GNB4: variants seen among roughly 807,000 people sequenced by gnomAD.
The protein encoded by GNB4 is guanine nucleotide-binding protein subunit beta-4.
In GNB4, 28 loss-of-function variants were observed where a neutral mutation model predicts 45.2. The ratio of observed to expected loss-of-function variants is 0.62; its 90% CI spans 0.46 to 0.85. The LOEUF is 0.85. GNB4 is among the 40% of genes least tolerant of loss of function. The pLI, the probability that GNB4 is intolerant of heterozygous loss-of-function variation, is 0.00. For synonymous variants in GNB4, 132 were observed against 143.7 expected, an observed-to-expected ratio of 0.92 and a Z score of 0.58; for missense variants, 321 against 425.4, an observed-to-expected ratio of 0.75 and a Z score of 2.16.
the GNB4 span, among the ~76,000 whole-genome samples, chr3:179,474,003 C>A: frequency 6.6e-6 from 1 of 152,016 alleles, no homozygotes; most frequent in Non-Finnish European, 1.5e-5. Flanking sequence ...TGTTTGGCTT[C>A]GTCAGTTTGC....
chr3:179,498,763 T>TG, the GNB4 span, among the ~76,000 whole-genome samples: 2 of 145,144 alleles, frequency 1.4e-5, no homozygotes, highest in African/African-American at 2.7e-5. Context: ...TTTTTTTTTT[T>TG]TTTTGCCTCT....
At chr3:179,501,071 GTA>G in the GNB4 span, among the ~76,000 whole-genome samples, 1 of 152,184 alleles carries the variant, frequency 6.6e-6, no homozygotes, top group Non-Finnish European at 1.5e-5. Flanking sequence ...AGCTCTGGAA[GTA>G]GCAGATAGCT....
At chr3:179,433,586 C>A in intron 1 of GNB4, among the ~76,000 whole-genome samples, 1 of 144,344 alleles carries the variant, frequency 6.9e-6, no homozygotes, top group Admixed American at 7.0e-5. Flanking sequence ...ACCTGGGAAA[C>A]ATTTTAAAAA....
intron 2 of GNB4, 125 bp downstream of exon 2, chr3:179,426,019 T>G: frequency 1.4e-6 from 1 of 709,226 alleles, no homozygotes; most frequent in East Asian, 2.9e-5. Flanking sequence ...CTTCGCCATG[T>G]GAGAGAAAAA....
At chr3:179,507,569 A>G in the GNB4 span, among the ~76,000 whole-genome samples, 1 of 152,208 alleles carries the variant, frequency 6.6e-6, no homozygotes, top group Non-Finnish European at 1.5e-5. Context: ...TTGTTGGAAC[A>G]CATCCTGCTC....
At chr3:179,423,810 A>G (rs892391212) in intron 2 of GNB4, among the ~76,000 whole-genome samples, 3 of 151,828 alleles carry the variant, frequency 2.0e-5, no homozygotes, top group African/African-American at 7.3e-5. Flanking sequence ...AGATAAATCC[A>G]AGTGGAGGGC....
At chr3:179,517,529 C>T in the GNB4 span, among the ~76,000 whole-genome samples, 1 of 152,158 alleles carries the variant, frequency 6.6e-6, no homozygotes, top group African/African-American at 2.4e-5. Context: ...GGAGATCAAT[C>T]TCCTGTCCTC....
chr3:179,443,077 C>T (rs1356348886), intron 1 of GNB4, among the ~76,000 whole-genome samples: 1 of 152,158 alleles, frequency 6.6e-6, no homozygotes, highest in Non-Finnish European at 1.5e-5. Flanking sequence ...AATATGACAA[C>T]TGGGGATATC....
At chr3:179,415,102 T>A in intron 5 of GNB4, 55 bp from the exon 6 acceptor site, 1 of 1,334,360 alleles carries the variant, frequency 7.5e-7, no homozygotes, top group Non-Finnish European at 1.0e-6. Flanking sequence ...ATCTATTGCA[T>A]AAACCCATTT....
chr3:179,406,850 A>G (rs1428121187), intron 8 of GNB4, among the ~76,000 whole-genome samples: 14 of 152,080 alleles, frequency 9.2e-5, no homozygotes, highest in African/African-American at 3.4e-4. Context: ...CCTGGCCTCA[A>G]GTGATCTGCC....
At position 179,417,186 on chromosome 3, in the gene GNB4, A is replaced by G. The variant is rs1359893512; in HGVS notation, c.204-630T>C. Among the ~76,000 whole-genome samples the G allele has an allele frequency of 9.9e-5, 15 of 152,236 alleles. 1 individual carries two copies. Among genetic ancestry groups the G allele is most frequent in the Admixed American group, 9.8e-4 (15 of 15,282 alleles). On this transcript the variant is annotated intron_variant, in intron 4 of 9. Transcript: ENST00000232564. ...AAATGTTGAGAGCTAAAGATACAGAAAAGGCTGTATTTTAGGAGAAAGCTA... is the reference window on the plus strand; with the variant it reads ...AAATGTTGAGAGCTAAAGATACAGAGAAGGCTGTATTTTAGGAGAAAGCTA...
chr3:179,412,217 C>T (rs998389894), intron 8 of GNB4, among the ~76,000 whole-genome samples: 3 of 152,064 alleles, frequency 2.0e-5, no homozygotes, highest in African/African-American at 7.2e-5. Context: ...CTTGTAATCC[C>T]AGCACTTTGG....
the GNB4 span, chr3:179,464,951 AAAAGTGTTG>A: frequency 1.3e-6 from 2 of 1,547,670 alleles, no homozygotes; most frequent in Admixed American, 3.3e-5. Flanking sequence ...TGGAAGGTCA[AAAAGTGTTG>A]AAATGCCCAT....
chr3:179,403,987 T>C (rs1714388104), intron 9 of GNB4, among the ~76,000 whole-genome samples: 1 of 151,128 alleles, frequency 6.6e-6, no homozygotes, highest in African/African-American at 2.4e-5. Flanking sequence ...TTCTATAGGG[T>C]AATGAGTTTC....
At chr3:179,432,527 T>TA (rs768823913) in intron 1 of GNB4, among the ~76,000 whole-genome samples, 35 of 151,870 alleles carry the variant, frequency 2.3e-4, no homozygotes, top group South Asian at 8.3e-4. Flanking sequence ...CTGACTAGGG[T>TA]AAAAAAAGGC....
Position 179,419,597 on chromosome 3 carries a change from C to G in GNB4, c.97-92G>C, listed in dbSNP as rs942632649. ...AACAGTGAGGAGTTAAAAAAGCAAA[C>G]ATAAAGTACATTTATAGTAACTGAA... On this transcript the variant is annotated intron_variant, in intron 3 of 9. Transcript: ENST00000232564. The G allele has an allele frequency of 1.0e-5, 8 of 790,288 alleles. No homozygotes were observed. The African/African-American group carries it at 1.4e-4, about 14-fold the overall frequency. The allele number at this position is 790,288 out of a possible 1,614,324, so 49.0% of individuals were successfully genotyped here.
Position 179,427,272 on chromosome 3 carries a change from C to T in GNB4, c.-42-1030G>A, listed in dbSNP as rs138744852. ...TTTTCACTATGAGACTCAACACCAT[C>T]AGCATGTATTTACTTACTTGTGATC... On this transcript the variant is annotated intron_variant, in intron 1 of 9. Transcript: ENST00000232564. 7.2e-5 allele frequency among the ~76,000 whole-genome samples: 11 copies of T among 152,194 alleles called. No individual in the cohort carries two copies. In the East Asian group the frequency reaches 1.9e-3, roughly 27 times the overall value.
At chr3:179,461,521 A>C in the GNB4 span, among the ~76,000 whole-genome samples, 1 of 151,816 alleles carries the variant, frequency 6.6e-6, no homozygotes. Context: ...AAATGATTTT[A>C]GGCATTAGTA....
rs139127668 is a variant in GNB4 at position 179,450,111 on chromosome 3, A to G, written c.-43+1235T>C. Among the ~76,000 whole-genome samples, 995 of 152,320 alleles carry G rather than the reference A, an allele frequency of 6.5e-3. 13 individuals are homozygous for G. The highest frequency in any genetic ancestry group is 0.023 in the African/African-American group (947 of 41,548). On this transcript the variant is annotated intron_variant, in intron 1 of 9. Transcript: ENST00000232564. ...ACAACGTTCAATAAGATGATATTTT[A>G]AAAGTTTCTATTTCAGTTTCAAATT...
Sources: allele counts gnomAD v4.1 joint callset (sites outside exome capture counted in the v4.1 genomes callset), GRCh38; gene constraint gnomAD v4.1.1; transcripts MANE v1.5; gene names NCBI Gene and HGNC (gene_info 2026-07-23, HGNC 2026-07-21).